Variants in IKBKB observed in about 807,000 individuals in gnomAD.
IKBKB encodes inhibitor of nuclear factor kappa-B kinase subunit beta.
A neutral mutation model predicts 113.6 loss-of-function variants in IKBKB; 42 were observed. The observed-to-expected ratio is 0.37, with a 90% confidence interval of 0.29 to 0.48. IKBKB has a LOEUF of 0.48. Ranked by LOEUF, IKBKB falls within the 20% of genes least tolerant of loss-of-function variation. The probability of loss-of-function intolerance (pLI) is 0.99; values close to 1 mark genes in which losing one functional copy is unlikely to be tolerated. For missense variants in IKBKB, 673 were observed against 939.7 expected (o/e 0.72, Z 3.71); for synonymous variants, 296 against 361.3 (o/e 0.82, Z 2.05).
intron 5 of IKBKB, among the ~76,000 whole-genome samples, chr8:42,304,477 A>T (rs369610976): frequency 6.6e-6 from 1 of 152,312 alleles, no homozygotes; most frequent in East Asian, 1.9e-4. Flanking sequence ...AGTGTTGTGC[A>T]GTCTGCTTTC....
intron 15 of IKBKB, 96 bp from the exon 16 acceptor site, chr8:42,320,639 G>T: frequency 1.0e-6 from 1 of 972,154 alleles, no homozygotes; most frequent in Non-Finnish European, 1.6e-6. Flanking sequence ...GGTCCTCAGG[G>T]AATGTGGCGG....
chr8:42,330,027 C>T, intron 21 of IKBKB: 3 of 985,434 alleles, frequency 3.0e-6, no homozygotes, highest in Non-Finnish European at 3.6e-6. Context: ...CTCTCCTCCT[C>T]CTGGCATGAT....
intron 2 of IKBKB, among the ~76,000 whole-genome samples, chr8:42,274,993 C>T (rs1808772621): frequency 6.6e-6 from 1 of 151,994 alleles, no homozygotes; most frequent in South Asian, 2.1e-4. Context: ...TCTCCAGCCT[C>T]AGCCTCCCAA....
chr8:42,299,859 T>C (rs558524372), intron 5 of IKBKB, among the ~76,000 whole-genome samples: 18 of 152,342 alleles, frequency 1.2e-4, no homozygotes, highest in Admixed American at 2.6e-4. Flanking sequence ...TGTGGGTCTT[T>C]CTGCTGATGT....
intron 15 of IKBKB, chr8:42,320,393 A>G (rs1819536616): frequency 4.4e-6 from 1 of 227,472 alleles, no homozygotes; most frequent in Non-Finnish European, 8.8e-6. Flanking sequence ...GAGAAGAGAA[A>G]GTAATGTGTC....
intron 20 of IKBKB, among the ~76,000 whole-genome samples, chr8:42,327,632 C>CCTTT (rs1563373746): frequency 1.6e-5 from 2 of 122,826 alleles, no homozygotes; most frequent in Admixed American, 1.7e-4. Context: ...TGCACCCAGC[C>CCTTT]TTTTTTTTTT....
intron 5 of IKBKB, among the ~76,000 whole-genome samples, chr8:42,300,667 C>T (rs1814999964): frequency 6.6e-6 from 1 of 152,130 alleles, no homozygotes; most frequent in Non-Finnish European, 1.5e-5. Context: ...TGTGTTTGTG[C>T]CTTCCTCATG....
chr8:42,329,636 A>G (rs6474388), intron 21 of IKBKB: 878,920 of 984,660 alleles, frequency 0.89, 400,789 homozygotes, highest in Non-Finnish European at 0.93. Flanking sequence ...ATGATGAGGA[A>G]GAAGGTAGCA....
At chr8:42,309,509 C>T (rs1817274174) in intron 8 of IKBKB, 2 of 412,914 alleles carry the variant, frequency 4.8e-6, no homozygotes, top group African/African-American at 2.1e-5. Context: ...AATCCCAGCA[C>T]TTTGGGAGGC....
chr8:42,321,557 T>C, intron 16 of IKBKB: 1 of 235,532 alleles, frequency 4.2e-6, no homozygotes, highest in South Asian at 1.2e-4. Flanking sequence ...GGTCTTGCCC[T>C]GTTGCCAATG....
chr8:42,314,086 C>T, intron 8 of IKBKB: 1 of 514,622 alleles, frequency 1.9e-6, no homozygotes, highest in Non-Finnish European at 3.5e-6. Flanking sequence ...TTTAGATACA[C>T]CAATACTTAC....
intron 5 of IKBKB, 90 bp from the exon 6 acceptor site, chr8:42,305,097 G>A: frequency 8.4e-6 from 7 of 832,574 alleles, no homozygotes; most frequent in Admixed American, 1.9e-5. Context: ...TGTTTCAGGG[G>A]CATGCGGCAT....
intron 5 of IKBKB, among the ~76,000 whole-genome samples, chr8:42,293,820 C>A (rs1451608182): frequency 6.6e-6 from 1 of 152,180 alleles, no homozygotes; most frequent in Non-Finnish European, 1.5e-5. Context: ...GAATGGCCGG[C>A]GCTGGAATAA....
At chr8:42,282,324 T>A (rs1410422476) in intron 2 of IKBKB, among the ~76,000 whole-genome samples, 1 of 152,124 alleles carries the variant, frequency 6.6e-6, no homozygotes, top group Admixed American at 6.5e-5. Flanking sequence ...CACCTCAGCC[T>A]CCCAAGTAGC....
At position 42,271,392 on chromosome 8, in the gene IKBKB, A is replaced by AGCCCCGGGTTTGGCC; in HGVS notation, c.-90_-76dup. On this transcript the variant is annotated 5_prime_UTR_variant, in exon 1 of 22. Transcript: ENST00000520810. ...TTTAATGTTTTCAGGGGGGTGTCAT[A>AGCCCCGGGTTTGGCC]GCCCCGGGTTTGGCCGCCCCAGCCC... is the stretch of plus-strand genomic sequence containing the variant. The AGCCCCGGGTTTGGCC allele has an allele frequency of 6.6e-7, 1 of 1,513,440 alleles. No individual in the cohort carries two copies. The allele number at this position is 1,513,440 out of a possible 1,614,324, so 93.8% of individuals were successfully genotyped here. A position where few individuals can be genotyped will look rare whatever the true frequency, so the allele number is the denominator to read the frequency against.
chr8:42,271,335 G>T lies in IKBKB; in HGVS notation c.-153G>T. ...AGAGCAGGAAGTGTTTGAGGAAGTC[G>T]CGCCGCGCTGCCCGCGTTAAGATTC... On this transcript the variant is annotated 5_prime_UTR_variant, in exon 1 of 22. Coordinates refer to ENST00000520810, the MANE Select transcript of IKBKB (RefSeq NM_001556.3). The T allele has an allele frequency of 8.6e-7, 1 of 1,158,402 alleles. No individual in the cohort carries two copies. Among genetic ancestry groups the T allele is most frequent in the Non-Finnish European group, 1.2e-6 (1 of 802,572 alleles). 71.8% of individuals were successfully genotyped at this position (1,158,402 alleles called of 1,614,324 possible).
intron 7 of IKBKB, among the ~76,000 whole-genome samples, chr8:42,308,046 C>T (rs1441949382): frequency 6.6e-6 from 1 of 152,240 alleles, no homozygotes; most frequent in Non-Finnish European, 1.5e-5. Flanking sequence ...AGCAGCCATG[C>T]ATCACACTTT....
intron 5 of IKBKB, among the ~76,000 whole-genome samples, chr8:42,297,907 A>G (rs1352976837): frequency 6.6e-6 from 1 of 152,218 alleles, no homozygotes; most frequent in Non-Finnish European, 1.5e-5. Flanking sequence ...AAAAAAAAGA[A>G]AAAAGAATGA....
chr8:42,283,437 C>T (rs1239150562), intron 2 of IKBKB, among the ~76,000 whole-genome samples: 1 of 152,152 alleles, frequency 6.6e-6, no homozygotes, highest in African/African-American at 2.4e-5. Flanking sequence ...GGCCTGGCTT[C>T]CCTGGGGGTC....
Sources: gnomAD v4.1 joint callset for allele counts (sites outside exome capture counted in the v4.1 genomes callset) on GRCh38, gnomAD v4.1.1 for gene constraint, MANE v1.5 for transcripts, NCBI Gene and HGNC (gene_info 2026-07-23, HGNC 2026-07-21) for gene names.